The following KDM4C variants were observed in gnomAD, a reference collection of about 807,000 sequenced individuals.
KDM4C encodes the protein lysine demethylase 4C.
KDM4C carries 81 observed loss-of-function variants against 129.3 expected under a neutral mutation model. The ratio of observed to expected loss-of-function variants is 0.63; its 90% CI spans 0.52 to 0.75. The LOEUF is 0.75. Ranked by LOEUF, KDM4C falls within the 30% of genes least tolerant of loss-of-function variation. The pLI is 0.00. For synonymous variants in KDM4C, 573 were observed against 456.1 expected, an observed-to-expected ratio of 1.26 and a Z score of -3.26; for missense variants, 1,457 against 1,304.0, an observed-to-expected ratio of 1.12 and a Z score of -1.81.
In KDM4C at chr9:6,964,414, T is replaced by C. The variant is rs540824229; in HGVS notation, c.922-16511T>C. Reference sequence around the variant, plus strand: ...TTCATCCGTGTCGCTACAAAGGACATGAACTCATCCTTTTTTTATGGCTGC... The same window carrying C: ...TTCATCCGTGTCGCTACAAAGGACACGAACTCATCCTTTTTTTATGGCTGC... On this transcript the variant is annotated intron_variant, in intron 8 of 21. Transcript: ENST00000381309. Among the ~76,000 whole-genome samples, 26 of 151,552 alleles carry C rather than the reference T, an allele frequency of 1.7e-4. No individual in the cohort carries two copies. The East Asian group carries it at 4.6e-3, about 27-fold the overall frequency.
At chr9:7,174,496 A>G in intron 21 of KDM4C, 57 bp from the exon 22 acceptor site, 1 of 1,527,640 alleles carries the variant, frequency 6.5e-7, no homozygotes, top group Non-Finnish European at 9.0e-7. Context: ...ATCTTTGTCC[A>G]GTGTTCTGAA....
At chr9:6,930,549 C>CAT (rs34337840) in intron 8 of KDM4C, among the ~76,000 whole-genome samples, 83,743 of 147,832 alleles carry the variant, frequency 0.57, 24,189 homozygotes, top group Middle Eastern at 0.66. Flanking sequence ...TTATATATAA[C>CAT]AACAGTATGT....
chr9:7,111,828 A>G (rs1175303604), intron 18 of KDM4C, among the ~76,000 whole-genome samples: 2 of 152,190 alleles, frequency 1.3e-5, no homozygotes, highest in Non-Finnish European at 2.9e-5. Flanking sequence ...CTGAATTAAA[A>G]TTTTAAAAAT....
At chr9:6,926,345 A>AAAAAAAAAAAAAAAAAAC (rs1452737341) in intron 8 of KDM4C, among the ~76,000 whole-genome samples, 1 of 148,816 alleles carries the variant, frequency 6.7e-6, no homozygotes, top group Non-Finnish European at 1.5e-5. Flanking sequence ...AATTTGTAAA[A>AAAAAAAAAAAAAAAAAAC]AAAAAAAAAA....
chr9:7,089,881 G>T (rs1410953601), intron 17 of KDM4C, among the ~76,000 whole-genome samples: 1 of 152,234 alleles, frequency 6.6e-6, no homozygotes, highest in East Asian at 1.9e-4. Flanking sequence ...AGAGGTCAGA[G>T]TTCTCATGAG....
chr9:6,968,938 G>T (rs1035895024), intron 8 of KDM4C, among the ~76,000 whole-genome samples: 1 of 151,768 alleles, frequency 6.6e-6, no homozygotes, highest in African/African-American at 2.4e-5. Flanking sequence ...TGGGTTAATT[G>T]TGTGTGTGTG....
intron 4 of KDM4C, among the ~76,000 whole-genome samples, chr9:6,828,586 T>A (rs1834277028): frequency 7.3e-6 from 1 of 136,794 alleles, no homozygotes; most frequent in African/African-American, 3.6e-5. Flanking sequence ...AAATTTGGGG[T>A]GGGGCCAGGT....
chr9:6,827,616 G>A (rs1380198684), intron 4 of KDM4C, among the ~76,000 whole-genome samples: 3 of 152,212 alleles, frequency 2.0e-5, no homozygotes, highest in Admixed American at 6.5e-5. Flanking sequence ...TAAACGGTTT[G>A]AGTCACCAGG....
At chr9:7,174,478 C>A in intron 21 of KDM4C, 75 bp from the exon 22 acceptor site, 1 of 1,427,782 alleles carries the variant, frequency 7.0e-7, no homozygotes, top group Non-Finnish European at 9.7e-7. Context: ...CCCAGCTGAC[C>A]GAGTCAGATC....
chr9:7,052,981 C>G (rs891919884), intron 17 of KDM4C, among the ~76,000 whole-genome samples: 1 of 146,358 alleles, frequency 6.8e-6, no homozygotes, highest in South Asian at 2.2e-4. Flanking sequence ...TTCCAAAGGA[C>G]AGTTTTTTAG....
chr9:6,926,391 G>A (rs1313086486), intron 8 of KDM4C, among the ~76,000 whole-genome samples: 1 of 131,258 alleles, frequency 7.6e-6, no homozygotes, highest in Admixed American at 7.3e-5. Context: ...GGACACATGA[G>A]GTGAAAAGTG....
intron 5 of KDM4C, 115 bp from the exon 6 acceptor site, chr9:6,879,897 A>G (rs933287368): frequency 5.7e-6 from 3 of 523,342 alleles, no homozygotes; most frequent in Non-Finnish European, 1.0e-5. Context: ...CAGTTCATCT[A>G]AGTGGAGTTT....
chr9:7,054,200 C>T lies in KDM4C; in HGVS notation c.2424+5000C>T, dbSNP rs192864050. Among the ~76,000 whole-genome samples the T allele has an allele frequency of 1.4e-4, 21 of 152,312 alleles. No individual in the cohort carries two copies. The East Asian group carries it at 3.3e-3, about 24-fold the overall frequency. On this transcript the variant is annotated intron_variant, in intron 17 of 21. Coordinates refer to ENST00000381309, the MANE Select transcript of KDM4C (RefSeq NM_015061.6). Reference sequence around the variant, plus strand: ...GCTACTGAGGACGTTTCCTTCTCCCCGTAGCCCATCTAGGGGGTTGTGTGA... The same window carrying T: ...GCTACTGAGGACGTTTCCTTCTCCCTGTAGCCCATCTAGGGGGTTGTGTGA...
At chr9:6,988,300 C>G (rs1032607913) in intron 11 of KDM4C, among the ~76,000 whole-genome samples, 1 of 151,674 alleles carries the variant, frequency 6.6e-6, no homozygotes, top group Non-Finnish European at 1.5e-5. Context: ...TAGCGACCTT[C>G]TTTAAAGTAG....
At chr9:6,974,101 A>G (rs6477134) in intron 8 of KDM4C, among the ~76,000 whole-genome samples, 83,985 of 151,950 alleles carry the variant, frequency 0.55, 23,565 homozygotes, top group East Asian at 0.72. Flanking sequence ...TATCCTTGTG[A>G]CATCCAACAA....
chr9:7,037,819 A>T (rs1423772600), intron 15 of KDM4C, among the ~76,000 whole-genome samples: 2 of 152,154 alleles, frequency 1.3e-5, no homozygotes, highest in Non-Finnish European at 2.9e-5. Context: ...TAATCATGTT[A>T]CAACAGGCAT....
chr9:6,758,758 C>A lies in KDM4C; in HGVS notation c.-18+555C>A, dbSNP rs2130374827. ...TTCCCCCGGCATGGGGCCATTTCTT[C>A]CTGCAGTGCCTGGAGGAACCATGAT... On this transcript the variant is annotated intron_variant, in intron 1 of 21. Coordinates refer to ENST00000381309, the MANE Select transcript of KDM4C (RefSeq NM_015061.6). This position sits in a 1 kb window ranked among gnomAD's most constrained non-coding sequence, Gnocchi z 4.6. 6.6e-6 allele frequency among the ~76,000 whole-genome samples: 1 copy of A among 152,364 alleles called. No individual in the cohort carries two copies. The highest frequency in any genetic ancestry group is 1.9e-4 in the East Asian group (1 of 5,182).
intron 15 of KDM4C, among the ~76,000 whole-genome samples, chr9:7,043,771 G>T (rs1219456598): frequency 6.6e-6 from 1 of 151,108 alleles, no homozygotes; most frequent in Non-Finnish European, 1.5e-5. Context: ...GAATATTTTT[G>T]TTCTTCACAA....
intron 8 of KDM4C, chr9:6,893,462 G>A: frequency 2.9e-6 from 1 of 343,364 alleles, no homozygotes; most frequent in Non-Finnish European, 5.3e-6. Flanking sequence ...TACCCTGATA[G>A]GTAATTTGAT....
Sources: gnomAD v4.1 joint callset for allele counts (sites outside exome capture counted in the v4.1 genomes callset) on GRCh38, gnomAD v4.1.1 for gene constraint, Gnocchi (gnomAD v3.1) non-coding constraint, MANE v1.5 for transcripts, NCBI Gene and HGNC (gene_info 2026-07-23, HGNC 2026-07-21) for gene names.